The following UGT1A7 variants were observed in gnomAD, a reference collection of about 807,000 sequenced individuals.
UGT1A7 encodes UDP-glucuronosyltransferase 1A7.
Under a neutral mutation model 45.6 loss-of-function variants are expected in UGT1A7, and 33 were observed. That is an observed-to-expected ratio of 0.72 (90% CI 0.55 to 0.97). The LOEUF is 0.97. UGT1A7 is among the 50% of genes least tolerant of loss of function. The probability of loss-of-function intolerance (pLI) is 0.00; values close to 1 mark genes in which losing one functional copy is unlikely to be tolerated. For missense variants in UGT1A7, 684 were observed against 666.2 expected (o/e 1.03, Z -0.29); for synonymous variants, 274 against 250.6 (o/e 1.09, Z -0.88).
intron 1 of UGT1A7, among the ~76,000 whole-genome samples, chr2:233,733,062 C>T (rs1195165933): frequency 2.0e-5 from 3 of 152,118 alleles, no homozygotes; most frequent in Admixed American, 6.5e-5. Flanking sequence ...ATTTTATTCT[C>T]TTTGTAGCAA....
At position 233,747,294 on chromosome 2, in the gene UGT1A7, G is replaced by T. The variant is rs1361092863; in HGVS notation, c.856-19740G>T. 2.5e-6 allele frequency: 4 copies of T among 1,601,728 alleles called. No homozygotes were observed. In the Admixed American group the frequency reaches 6.7e-5, roughly 27 times the overall value. ...TTCTCAGTGCCCAGCCCTGGGCTGA[G>T]AGTGGGAAGGTGCTGGTGGTACCCA... On this transcript the variant is annotated intron_variant, in intron 1 of 4. Transcript: ENST00000373426.
intron 1 of UGT1A7, chr2:233,693,690 AT>A: frequency 6.2e-7 from 1 of 1,614,250 alleles, no homozygotes; most frequent in Non-Finnish European, 8.5e-7. Context: ...TTTTCAAAGT[AT>A]GAAGAACTCG....
At chr2:233,743,626 G>A (rs1399385903) in intron 1 of UGT1A7, 6 of 1,367,322 alleles carry the variant, frequency 4.4e-6, no homozygotes, top group Non-Finnish European at 5.9e-6. Flanking sequence ...TGAAGACGTC[G>A]GCTGGGTCGC....
At chr2:233,724,741 C>T (rs1331801697) in intron 1 of UGT1A7, among the ~76,000 whole-genome samples, 1 of 144,478 alleles carries the variant, frequency 6.9e-6, no homozygotes, top group Non-Finnish European at 1.5e-5. Context: ...AGGGGCTCCT[C>T]ACATCCCAGA....
In UGT1A7 at chr2:233,729,706, A is replaced by G. The variant is rs765358278; in HGVS notation, c.856-37328A>G. 8 of 1,613,874 alleles carry G rather than the reference A, an allele frequency of 5.0e-6. No homozygotes were observed. The East Asian group carries it at 1.6e-4, about 31-fold the overall frequency. ...ACAGTGTCCAAACCCTTCCTCCTAT[A>G]TTCCTAGATTACTAACAACCAATTC... On this transcript the variant is annotated intron_variant, in intron 1 of 4. Transcript: ENST00000373426.
At chr2:233,689,940 A>T in intron 1 of UGT1A7, 1 of 456,446 alleles carries the variant, frequency 2.2e-6, no homozygotes, top group Middle Eastern at 3.3e-4. Context: ...AGAACCCAAG[A>T]TTTTCCTTTA....
rs28898572 is a variant in UGT1A7, at chr2:233,685,578, C to A, written c.855+2786C>A. ...AAATTCAAATTTACCTGTTACTGGG[C>A]AAGCCCAAGGCCTCCCTCCAAGATT... On this transcript the variant is annotated intron_variant, in intron 1 of 4. Transcript: ENST00000373426. Among the ~76,000 whole-genome samples, 571 of 152,320 alleles carry A rather than the reference C, an allele frequency of 3.7e-3. 7 individuals are homozygous for A. Among genetic ancestry groups the A allele is most frequent in the African/African-American group, 0.013 (547 of 41,570 alleles).
intron 1 of UGT1A7, among the ~76,000 whole-genome samples, chr2:233,701,051 A>C (rs2075606914): frequency 6.6e-6 from 1 of 152,170 alleles, no homozygotes; most frequent in African/African-American, 2.4e-5. Context: ...ACATGAACTC[A>C]TAATTTTTTA....
chr2:233,686,346 G>A (rs1485949049), intron 1 of UGT1A7, among the ~76,000 whole-genome samples: 1 of 151,914 alleles, frequency 6.6e-6, no homozygotes, highest in Non-Finnish European at 1.5e-5. Context: ...AAAAGCTTTT[G>A]TATATCAAAG....
chr2:233,703,889 T>C (rs2125594145), intron 1 of UGT1A7, among the ~76,000 whole-genome samples: 1 of 152,182 alleles, frequency 6.6e-6, no homozygotes, highest in East Asian at 1.9e-4. Flanking sequence ...ACCATCATTT[T>C]TTTCTTTTCT....
At chr2:233,731,284 C>CTTTTTTTTTT (rs78127606) in intron 1 of UGT1A7, among the ~76,000 whole-genome samples, 4 of 139,758 alleles carry the variant, frequency 2.9e-5, no homozygotes, top group Non-Finnish European at 3.2e-5. Context: ...GTTTTTCTTT[C>CTTTTTTTTTT]TTTTTTTTTT....
intron 1 of UGT1A7, chr2:233,690,630 C>A (rs918376019): frequency 4.7e-5 from 61 of 1,288,334 alleles, no homozygotes; most frequent in Non-Finnish European, 6.1e-5. Context: ...TCAAGTGATA[C>A]CTGAGGACAC....
intron 1 of UGT1A7, among the ~76,000 whole-genome samples, chr2:233,727,711 C>T (rs1575572304): frequency 1.3e-5 from 2 of 152,204 alleles, no homozygotes; most frequent in East Asian, 3.8e-4. Context: ...TTCCCAAAGC[C>T]CTTGCAGACC....
chr2:233,740,135 G>A (rs1178370483), intron 1 of UGT1A7, among the ~76,000 whole-genome samples: 1 of 151,922 alleles, frequency 6.6e-6, no homozygotes, highest in Non-Finnish European at 1.5e-5. Context: ...TGTCATGATT[G>A]TAAGTTTCCT....
intron 1 of UGT1A7, among the ~76,000 whole-genome samples, chr2:233,725,945 T>C (rs1167076950): frequency 1.3e-5 from 2 of 152,170 alleles, no homozygotes; most frequent in Non-Finnish European, 2.9e-5. Flanking sequence ...GCAGGAGGAT[T>C]GTTTGAGCCC....
chr2:233,717,477 G>A (rs551633792), intron 1 of UGT1A7, among the ~76,000 whole-genome samples: 2 of 152,228 alleles, frequency 1.3e-5, no homozygotes, highest in Non-Finnish European at 2.9e-5. Context: ...TGTGTCCAAA[G>A]GTGGAATCTG....
At position 233,697,853 on chromosome 2, in the gene UGT1A7, G is replaced by A. The variant is rs373328291; in HGVS notation, c.855+15061G>A. On this transcript the variant is annotated intron_variant, in intron 1 of 4. Coordinates refer to ENST00000373426, the MANE Select transcript of UGT1A7 (RefSeq NM_019077.3). Reference sequence around the variant, plus strand: ...CTAATTAAGAAGTTAGTAAGCAAAAGTTATGCATTTATTTAATGATTTCTT... The same window carrying A: ...CTAATTAAGAAGTTAGTAAGCAAAAATTATGCATTTATTTAATGATTTCTT... Among the ~76,000 whole-genome samples, 3 of 152,022 alleles carry A rather than the reference G, an allele frequency of 2.0e-5. No homozygotes were observed. The East Asian group carries it at 5.8e-4, about 29-fold the overall frequency.
At chr2:233,754,489 A>G (rs1289708374) in intron 1 of UGT1A7, 4 of 357,158 alleles carry the variant, frequency 1.1e-5, no homozygotes, top group Non-Finnish European at 1.1e-5. Flanking sequence ...TTTCAATCCT[A>G]AAAAAAGTCC....
chr2:233,750,944 C>T (rs1260619822), intron 1 of UGT1A7, among the ~76,000 whole-genome samples: 5 of 151,882 alleles, frequency 3.3e-5, no homozygotes, highest in Non-Finnish European at 7.3e-5. Flanking sequence ...AGCCCCCACA[C>T]AGAGTCTCCA....
Sources: allele counts gnomAD v4.1 joint callset (sites outside exome capture counted in the v4.1 genomes callset), GRCh38; gene constraint gnomAD v4.1.1; transcripts MANE v1.5; gene names NCBI Gene and HGNC (gene_info 2026-07-23, HGNC 2026-07-21).